CSMD1: variants seen among roughly 807,000 people sequenced by gnomAD.
The protein encoded by CSMD1 is CUB and sushi domain-containing protein 1.
A neutral mutation model predicts 417.5 loss-of-function variants in CSMD1; 213 were observed. That is an observed-to-expected ratio of 0.51 (90% CI 0.46 to 0.57). The LOEUF is 0.57. CSMD1 is among the 20% of genes least tolerant of loss of function. The probability of loss-of-function intolerance (pLI) is 0.00; values close to 1 mark genes in which losing one functional copy is unlikely to be tolerated. For synonymous variants in CSMD1, 2,862 were observed against 1,736.8 expected (o/e 1.65, Z -16.11); for missense variants, 6,923 against 4,529.7 (o/e 1.53, Z -15.17).
chr8:3,070,309 C>T (rs868185156), intron 49 of CSMD1, among the ~76,000 whole-genome samples: 24 of 152,324 alleles, frequency 1.6e-4, no homozygotes, highest in African/African-American at 4.1e-4. Flanking sequence ...TCTGAAAAAG[C>T]TTTTTTCTTC....
At chr8:4,986,063 T>C (rs952847154) in intron 1 of CSMD1, among the ~76,000 whole-genome samples, 1 of 152,210 alleles carries the variant, frequency 6.6e-6, no homozygotes, top group African/African-American at 2.4e-5. Flanking sequence ...CAAAGTACAC[T>C]ACTTTCCTAC....
At chr8:4,479,214 ATACCCCTGGAAT>A (rs1800959083) in intron 2 of CSMD1, among the ~76,000 whole-genome samples, 1 of 152,224 alleles carries the variant, frequency 6.6e-6, no homozygotes, top group Non-Finnish European at 1.5e-5. Flanking sequence ...CCCTGAGAAG[ATACCCCTGGAAT>A]TACATATTAA....
chr8:3,913,359 G>C (rs1239228712), intron 5 of CSMD1, among the ~76,000 whole-genome samples: 1 of 152,066 alleles, frequency 6.6e-6, no homozygotes, highest in Non-Finnish European at 1.5e-5. Flanking sequence ...CAGAACAGAG[G>C]AAGCAACAAG....
intron 3 of CSMD1, among the ~76,000 whole-genome samples, chr8:4,176,503 T>G (rs572123649): frequency 6.6e-6 from 1 of 152,110 alleles, no homozygotes; most frequent in Non-Finnish European, 1.5e-5. Context: ...CTACTGGTTC[T>G]ATACCTTCAC....
intron 3 of CSMD1, among the ~76,000 whole-genome samples, chr8:4,220,042 C>T (rs561157449): frequency 6.6e-6 from 1 of 152,082 alleles, no homozygotes; most frequent in Non-Finnish European, 1.5e-5. Context: ...CTCTGCCTCT[C>T]AGGTTTAAGC....
At chr8:3,703,242 C>T (rs1800968400) in intron 7 of CSMD1, among the ~76,000 whole-genome samples, 1 of 152,136 alleles carries the variant, frequency 6.6e-6, no homozygotes, top group African/African-American at 2.4e-5. Context: ...TACAGTCGCG[C>T]TGCCCTATGT....
chr8:4,633,815 C>T (rs1802680221), intron 2 of CSMD1, among the ~76,000 whole-genome samples: 1 of 152,146 alleles, frequency 6.6e-6, no homozygotes, highest in South Asian at 2.1e-4. Flanking sequence ...CCCGCCTTAG[C>T]CTCCCAAATT....
intron 2 of CSMD1, among the ~76,000 whole-genome samples, chr8:4,448,752 T>G (rs545348782): frequency 6.6e-6 from 1 of 152,198 alleles, no homozygotes; most frequent in Non-Finnish European, 1.5e-5. Flanking sequence ...CTGAATGACA[T>G]AATGACAACC....
chr8:3,432,561 G>A (rs2117025929), intron 12 of CSMD1, among the ~76,000 whole-genome samples: 1 of 141,420 alleles, frequency 7.1e-6, no homozygotes, highest in Admixed American at 7.6e-5. Flanking sequence ...CCAGGCTGGA[G>A]TGCAGTGGTG....
At chr8:3,039,290 CT>C (rs1810908934) in intron 50 of CSMD1, among the ~76,000 whole-genome samples, 2 of 126,750 alleles carry the variant, frequency 1.6e-5, no homozygotes, top group South Asian at 2.8e-4. Context: ...CCTTCTTTTC[CT>C]TACTTCCTTC....
At chr8:4,562,814 C>A (rs1370955948) in intron 2 of CSMD1, among the ~76,000 whole-genome samples, 2 of 152,086 alleles carry the variant, frequency 1.3e-5, no homozygotes, top group Non-Finnish European at 2.9e-5. Context: ...TACAGCAGAT[C>A]ATTTATTATG....
chr8:4,177,580 AGAGC>A lies in CSMD1; in HGVS notation c.416-145485_416-145482del, dbSNP rs1798123830. ...CAGAAGGCAAGAAATAACTAAAATC[AGAGC>A]AGAACTGAAGGAAATAGAGATGCAA... On this transcript the variant is annotated intron_variant, in intron 3 of 69. Coordinates refer to ENST00000635120, the MANE Select transcript of CSMD1 (RefSeq NM_033225.6). Among the ~76,000 whole-genome samples the A allele has an allele frequency of 2.0e-5, 3 of 151,922 alleles. No homozygotes were observed. The South Asian group carries it at 6.3e-4, about 32-fold the overall frequency.
At chr8:4,023,437 C>T (rs1000763505) in intron 4 of CSMD1, among the ~76,000 whole-genome samples, 3 of 152,104 alleles carry the variant, frequency 2.0e-5, no homozygotes, top group African/African-American at 7.2e-5. Flanking sequence ...GCAAAGCCAG[C>T]ACTCATCTAG....
intron 40 of CSMD1, among the ~76,000 whole-genome samples, chr8:3,145,141 T>C (rs905807454): frequency 3.3e-5 from 5 of 152,062 alleles, no homozygotes; most frequent in African/African-American, 1.2e-4. Context: ...TCCACAGAGT[T>C]TTATAGACAT....
At chr8:3,535,171 C>A (rs1798143278) in intron 10 of CSMD1, among the ~76,000 whole-genome samples, 1 of 151,686 alleles carries the variant, frequency 6.6e-6, no homozygotes, top group African/African-American at 2.4e-5. Context: ...CCATGCTGGT[C>A]TCAAACTCCT....
chr8:3,237,247 C>G (rs935183813), intron 26 of CSMD1, among the ~76,000 whole-genome samples: 3 of 133,176 alleles, frequency 2.3e-5, no homozygotes, highest in Admixed American at 2.2e-4. Context: ...GCGAGTGGAT[C>G]AAAAGGTCAG....
chr8:2,948,419 G>C (rs1802400924), intron 68 of CSMD1, among the ~76,000 whole-genome samples: 1 of 151,828 alleles, frequency 6.6e-6, no homozygotes, highest in South Asian at 2.1e-4. Context: ...TAATCACTAA[G>C]GCAAAAATCA....
At chr8:3,390,704 T>C (rs1346107516) in intron 17 of CSMD1, among the ~76,000 whole-genome samples, 1 of 152,164 alleles carries the variant, frequency 6.6e-6, no homozygotes, top group Non-Finnish European at 1.5e-5. Flanking sequence ...TGAATACATT[T>C]GCTACTTAAT....
intron 3 of CSMD1, among the ~76,000 whole-genome samples, chr8:4,418,363 T>C (rs1474515447): frequency 6.6e-6 from 1 of 152,132 alleles, no homozygotes; most frequent in East Asian, 1.9e-4. Flanking sequence ...TTTTCTTCAT[T>C]ATACCATCAT....
Sources: allele counts gnomAD v4.1 joint callset (sites outside exome capture counted in the v4.1 genomes callset), GRCh38; gene constraint gnomAD v4.1.1; transcripts MANE v1.5; gene names NCBI Gene and HGNC (gene_info 2026-07-23, HGNC 2026-07-21).